Variants in AUTS2 observed in about 807,000 individuals in gnomAD.
AUTS2 encodes the protein activator of transcription and developmental regulator AUTS2, also known as autism susceptibility gene 2 protein.
A neutral mutation model predicts 112.4 loss-of-function variants in AUTS2; 17 were observed. That is an observed-to-expected ratio of 0.15 (90% CI 0.10 to 0.23). The LOEUF (loss-of-function observed/expected upper bound fraction) is 0.23, where lower values mean the gene tolerates loss of function less well. Among genes scored for constraint, AUTS2 ranks in the 10% least tolerant of loss-of-function variants. AUTS2 has a pLI of 1.00. For synonymous variants in AUTS2, 751 were observed against 702.7 expected, an observed-to-expected ratio of 1.07 and a Z score of -1.09; for missense variants, 1,510 against 1,701.6, an observed-to-expected ratio of 0.89 and a Z score of 1.98.
At chr7:70,289,136 A>T (rs995415048) in intron 4 of AUTS2, among the ~76,000 whole-genome samples, 1 of 152,248 alleles carries the variant, frequency 6.6e-6, no homozygotes, top group African/African-American at 2.4e-5. Flanking sequence ...AGCTTAATAT[A>T]TTCCAAACAT....
At chr7:69,950,987 T>G (rs1584484050) in intron 2 of AUTS2, among the ~76,000 whole-genome samples, 1 of 151,908 alleles carries the variant, frequency 6.6e-6, no homozygotes, top group African/African-American at 2.4e-5. Context: ...CTCTTTTTTT[T>G]TAAAGGCTCC....
chr7:70,773,958 G>C, intron 11 of AUTS2, 70 bp from the exon 12 acceptor site: 3 of 1,414,990 alleles, frequency 2.1e-6, no homozygotes, highest in Non-Finnish European at 3.0e-6. Flanking sequence ...TTTAGCAGAA[G>C]GGAAGGATCT....
rs1244512393 is a variant in AUTS2, at chr7:70,785,975, A to G, written c.2245A>G (p.Thr749Ala). ...TGCAGAGCCTTTTAATCGGCCGTCTACATTCACAGGCCTAGCAGCAGTTGG... is the reference window on the plus strand; with the variant it reads ...TGCAGAGCCTTTTAATCGGCCGTCTGCATTCACAGGCCTAGCAGCAGTTGG... Reference protein sequence around the residue: ...AHLEPFNRPSTFTGLAAVGGN... With the variant: ...AHLEPFNRPSAFTGLAAVGGN... The change falls in exon 17 of 19, where the codon ACA becomes GCA. Residue 749 changes from threonine to alanine, a missense_variant. Thr to Ala is a moderately conservative substitution (Grantham distance 58). This residue lies in a region of AUTS2 where 788 missense variants were observed against 797.6 expected (regional missense o/e 0.99). Coordinates refer to ENST00000342771, the MANE Select transcript of AUTS2 (RefSeq NM_015570.4). 5.6e-6 allele frequency: 9 copies of G among 1,613,950 alleles called. No homozygotes were observed. The highest frequency in any genetic ancestry group is 2.2e-5 in the East Asian group (1 of 44,896).
chr7:70,781,400 G>A (rs1474246557), intron 14 of AUTS2: 4 of 405,074 alleles, frequency 9.9e-6, no homozygotes, highest in Non-Finnish European at 1.7e-5. Context: ...CCAAACACTA[G>A]TGTTGTCACT....
intron 4 of AUTS2, among the ~76,000 whole-genome samples, chr7:70,175,570 T>C (rs1808942575): frequency 6.6e-6 from 1 of 152,076 alleles, no homozygotes; most frequent in Admixed American, 6.6e-5. Flanking sequence ...ACTTCATTGG[T>C]GTCTTACTGC....
chr7:70,206,974 C>T (rs1311246175), intron 4 of AUTS2, among the ~76,000 whole-genome samples: 2 of 152,088 alleles, frequency 1.3e-5, no homozygotes, highest in Non-Finnish European at 2.9e-5. Flanking sequence ...AAGTCTGAAT[C>T]AGCAGATACT....
chr7:70,332,817 G>A (rs955990345), intron 4 of AUTS2, among the ~76,000 whole-genome samples: 2 of 152,104 alleles, frequency 1.3e-5, no homozygotes, highest in Non-Finnish European at 2.9e-5. Flanking sequence ...ATTAACTCAG[G>A]ATGGATTAAA....
chr7:70,016,221 T>C (rs572491485), intron 2 of AUTS2, among the ~76,000 whole-genome samples: 1 of 152,238 alleles, frequency 6.6e-6, no homozygotes, highest in East Asian at 1.9e-4. Flanking sequence ...GTGACCTGAA[T>C]TGGACAGAAA....
chr7:69,978,579 C>G (rs1798152168), intron 2 of AUTS2, among the ~76,000 whole-genome samples: 2 of 152,272 alleles, frequency 1.3e-5, no homozygotes, highest in South Asian at 4.1e-4. Context: ...TGGCTCATGC[C>G]TGTAATCCCA....
At chr7:69,979,837 T>A (rs1263700687) in intron 2 of AUTS2, among the ~76,000 whole-genome samples, 1 of 152,242 alleles carries the variant, frequency 6.6e-6, no homozygotes, top group African/African-American at 2.4e-5. Flanking sequence ...GGGATACAGA[T>A]TCACATATTC....
intron 4 of AUTS2, among the ~76,000 whole-genome samples, chr7:70,310,606 C>T (rs1358299125): frequency 1.4e-5 from 2 of 140,696 alleles, no homozygotes; most frequent in Non-Finnish European, 3.1e-5. Flanking sequence ...GAGCGAGACT[C>T]TGTCTTAAAA....
intron 2 of AUTS2, among the ~76,000 whole-genome samples, chr7:70,073,346 A>G (rs1157653013): frequency 6.6e-6 from 1 of 151,752 alleles, no homozygotes; most frequent in Non-Finnish European, 1.5e-5. Flanking sequence ...CCCCGTCTCT[A>G]CTAAAAATAC....
intron 5 of AUTS2, among the ~76,000 whole-genome samples, chr7:70,592,280 C>A (rs1802985274): frequency 6.6e-6 from 1 of 152,164 alleles, no homozygotes; most frequent in South Asian, 2.1e-4. Flanking sequence ...AGTTCGGAGC[C>A]AAACTGCCCA....
intron 1 of AUTS2, among the ~76,000 whole-genome samples, chr7:69,751,731 A>G (rs1473650353): frequency 6.6e-6 from 1 of 152,248 alleles, no homozygotes; most frequent in Non-Finnish European, 1.5e-5. Flanking sequence ...ATGAGGAAGT[A>G]TAGTAGTATA....
intron 6 of AUTS2, 144 bp downstream of exon 6, chr7:70,698,764 G>A (rs1056091869): frequency 1.6e-6 from 1 of 631,858 alleles, no homozygotes; most frequent in Non-Finnish European, 2.6e-6. Flanking sequence ...GCTTGAGATG[G>A]AAGTCTGCAT....
intron 2 of AUTS2, among the ~76,000 whole-genome samples, chr7:70,036,359 A>G (rs1801002795): frequency 6.6e-6 from 1 of 152,258 alleles, no homozygotes. Flanking sequence ...CTTGGCTAGA[A>G]CAATTAAAAG....
chr7:70,508,386 C>T, intron 5 of AUTS2, among the ~76,000 whole-genome samples: 1 of 152,088 alleles, frequency 6.6e-6, no homozygotes, highest in East Asian at 1.9e-4. Context: ...AATACATCTG[C>T]TTTGTTCACA....
intron 4 of AUTS2, among the ~76,000 whole-genome samples, chr7:70,248,504 G>C (rs1324473964): frequency 2.0e-5 from 3 of 152,070 alleles, no homozygotes; most frequent in Admixed American, 2.0e-4. Flanking sequence ...AGACCTCACA[G>C]GGATGAAGAT....
intron 1 of AUTS2, among the ~76,000 whole-genome samples, chr7:69,609,006 T>C (rs1428771983): frequency 1.3e-5 from 2 of 152,196 alleles, no homozygotes; most frequent in African/African-American, 4.8e-5. Context: ...ATTCCAGCCA[T>C]TGCTAGTTGA....
Sources: allele counts gnomAD v4.1 joint callset (sites outside exome capture counted in the v4.1 genomes callset), GRCh38; gene constraint gnomAD v4.1.1; regional missense constraint gnomAD v4.1.1; transcripts MANE v1.5; gene names NCBI Gene and HGNC (gene_info 2026-07-23, HGNC 2026-07-21).